The following TENM4 variants were observed in gnomAD, a reference collection of about 807,000 sequenced individuals.
The protein encoded by TENM4 is teneurin transmembrane protein 4.
In TENM4, 82 loss-of-function variants were observed where a neutral mutation model predicts 243.3. That is an observed-to-expected ratio of 0.34 (90% CI 0.28 to 0.40). TENM4 has a LOEUF of 0.40. Among genes scored for constraint, TENM4 ranks in the 10% least tolerant of loss-of-function variants. TENM4 has a pLI of 1.00. For missense variants in TENM4, 3,138 were observed against 3,673.3 expected (o/e 0.85, Z 3.77); for synonymous variants, 1,412 against 1,456.3 (o/e 0.97, Z 0.69).
chr11:78,871,534 C>A (rs924812864), intron 9 of TENM4, among the ~76,000 whole-genome samples: 1 of 152,224 alleles, frequency 6.6e-6, no homozygotes, highest in East Asian at 1.9e-4. Flanking sequence ...GCTTGATTAG[C>A]GCCTTTGTGT....
chr11:79,347,490 T>G (rs1857344088), intron 1 of TENM4, among the ~76,000 whole-genome samples: 1 of 152,212 alleles, frequency 6.6e-6, no homozygotes, highest in African/African-American at 2.4e-5. Context: ...CCAGGGTTCT[T>G]TCCCCACTGG....
intron 6 of TENM4, among the ~76,000 whole-genome samples, chr11:78,989,339 G>A (rs181437646): frequency 1.3e-5 from 2 of 152,314 alleles, no homozygotes; most frequent in East Asian, 3.9e-4. Flanking sequence ...TTCTGTCTGA[G>A]GCAGATGTTT....
chr11:79,148,786 C>T lies in TENM4; in HGVS notation c.-142G>A, dbSNP rs183062733. Reference sequence around the variant, plus strand: ...TTGAAGTATGCAATTTTAATTTGGACACATGGTAATTTCAGTCTACCTGTT... The same window carrying T: ...TTGAAGTATGCAATTTTAATTTGGATACATGGTAATTTCAGTCTACCTGTT... On this transcript the variant is annotated 5_prime_UTR_variant, in exon 4 of 34. Transcript: ENST00000278550. 1 of 981,808 alleles carries T rather than the reference C, an allele frequency of 1.0e-6. No homozygotes were observed. The highest frequency in any genetic ancestry group is 1.2e-6 in the Non-Finnish European group (1 of 826,498). The allele number at this position is 981,808 out of a possible 1,614,324, so 60.8% of individuals were successfully genotyped here. A position where few individuals can be genotyped will look rare whatever the true frequency, so the allele number is the denominator to read the frequency against.
At chr11:79,430,021 C>T (rs902280533) in intron 1 of TENM4, among the ~76,000 whole-genome samples, 4 of 151,936 alleles carry the variant, frequency 2.6e-5, no homozygotes, top group Admixed American at 6.6e-5. Flanking sequence ...TTTCAAGCCA[C>T]CAAGAGGTGA....
chr11:78,814,393 A>G lies in TENM4; in HGVS notation c.1684T>C (p.Ser562Pro), dbSNP rs1424089581. 10 of 1,548,104 alleles carry G rather than the reference A, an allele frequency of 6.5e-6. No homozygotes were observed. The highest frequency in any genetic ancestry group is 8.7e-6 in the Non-Finnish European group (10 of 1,145,572). ...VVSFLTTAIESVDNCPSNCYG... is the reference protein window; with the variant it reads ...VVSFLTTAIEPVDNCPSNCYG... ...CAGTTGCTGGGGCAGTTATCCACCGACTCTGGGGAGAGAAAGGAGAAGGAG... is the reference window on the plus strand; with the variant it reads ...CAGTTGCTGGGGCAGTTATCCACCGGCTCTGGGGAGAGAAAGGAGAAGGAG... The change falls in exon 13 of 34, where the codon TCG (serine) becomes CCG (proline). Residue 562 changes from serine to proline, a missense_variant and splice_region_variant. Coordinates refer to ENST00000278550, the MANE Select transcript of TENM4 (RefSeq NM_001098816.3).
chr11:78,969,494 A>G (rs1005747601), intron 6 of TENM4, among the ~76,000 whole-genome samples: 6 of 152,248 alleles, frequency 3.9e-5, no homozygotes, highest in Non-Finnish European at 7.3e-5. Context: ...CCACGAGACT[A>G]AAATTATGAG....
intron 3 of TENM4, among the ~76,000 whole-genome samples, chr11:79,205,507 T>A (rs183008894): frequency 9.2e-5 from 14 of 152,318 alleles, no homozygotes; most frequent in Admixed American, 7.8e-4. Context: ...CTCAACTCCA[T>A]CAGCCACTCA....
At chr11:78,878,746 A>G (rs1307674619) in intron 9 of TENM4, among the ~76,000 whole-genome samples, 1 of 152,178 alleles carries the variant, frequency 6.6e-6, no homozygotes, top group East Asian at 1.9e-4. Flanking sequence ...GCAGTGAGTA[A>G]CAGAGCTGTT....
chr11:79,153,380 G>A (rs1246556887), intron 3 of TENM4, among the ~76,000 whole-genome samples: 1 of 152,174 alleles, frequency 6.6e-6, no homozygotes, highest in East Asian at 1.9e-4. Context: ...GAACATTGCA[G>A]CAAGGGCCAG....
chr11:79,150,134 G>A (rs61882101), intron 3 of TENM4, among the ~76,000 whole-genome samples: 19,526 of 152,052 alleles, frequency 0.13, 1,648 homozygotes, highest in Non-Finnish European at 0.2. Flanking sequence ...ACTCCTGCTC[G>A]GTTCAGCCTT....
At chr11:79,054,693 G>C (rs555428973) in intron 6 of TENM4, among the ~76,000 whole-genome samples, 2 of 152,006 alleles carry the variant, frequency 1.3e-5, no homozygotes, top group African/African-American at 2.4e-5. Flanking sequence ...CGATCCTCCC[G>C]CCTTGGCCTC....
rs35375685 is a variant in TENM4 at position 78,942,813 on chromosome 11, C to CAA, written c.494-39292_494-39291dup. 4.9e-3 allele frequency among the ~76,000 whole-genome samples: 550 copies of CAA among 111,782 alleles called. 5 individuals carry two copies. The highest frequency in any genetic ancestry group is 0.017 in the African/African-American group (528 of 30,286). The allele number at this position is 111,782 out of a possible 152,430, so 73.3% of individuals were successfully genotyped here. ...TTTATTATCCTTATTTCATGACAGA[C>CAA]AAAAAAAAAAAAAAAAAGGCTCAGT... On this transcript the variant is annotated intron_variant, in intron 6 of 33. Coordinates refer to ENST00000278550, the MANE Select transcript of TENM4 (RefSeq NM_001098816.3).
At chr11:79,383,221 T>C (rs1858043374) in intron 1 of TENM4, among the ~76,000 whole-genome samples, 1 of 152,194 alleles carries the variant, frequency 6.6e-6, no homozygotes, top group African/African-American at 2.4e-5. Flanking sequence ...TCCGCCTTGC[T>C]TCAGTGCTGC....
intron 16 of TENM4, among the ~76,000 whole-genome samples, chr11:78,786,466 T>C (rs1490772829): frequency 6.6e-6 from 1 of 152,254 alleles, no homozygotes. Context: ...CTCCACTGTA[T>C]GCCAGCCTTT....
chr11:79,001,160 T>C (rs72947321), intron 6 of TENM4, among the ~76,000 whole-genome samples: 12,257 of 152,310 alleles, frequency 0.08, 560 homozygotes, highest in Admixed American at 0.14. Context: ...ATATATTGTC[T>C]ATAGGAAACA....
At chr11:79,196,331 C>T (rs1475255657) in intron 3 of TENM4, among the ~76,000 whole-genome samples, 1 of 151,688 alleles carries the variant, frequency 6.6e-6, no homozygotes, top group African/African-American at 2.4e-5. Context: ...GGAGAAGTCA[C>T]CGTGTGTCTC....
intron 6 of TENM4, among the ~76,000 whole-genome samples, chr11:79,015,476 T>TTGTGTG (rs1565168039): frequency 3.1e-5 from 3 of 95,450 alleles, no homozygotes; most frequent in African/African-American, 1.1e-4. Flanking sequence ...AAAAGTCATT[T>TTGTGTG]AGTGTGTGTG....
chr11:78,809,010 C>T (rs1292643277), intron 14 of TENM4, among the ~76,000 whole-genome samples: 2 of 152,120 alleles, frequency 1.3e-5, no homozygotes, highest in African/African-American at 4.8e-5. Context: ...TCTGTAAGTG[C>T]CTGAACCTCA....
At chr11:78,766,655 A>G (rs999009803) in intron 18 of TENM4, among the ~76,000 whole-genome samples, 3 of 151,892 alleles carry the variant, frequency 2.0e-5, no homozygotes, top group African/African-American at 7.3e-5. Context: ...GAAAATAAAA[A>G]CAAACTAATA....
Sources: gnomAD v4.1 joint callset for allele counts (sites outside exome capture counted in the v4.1 genomes callset) on GRCh38, gnomAD v4.1.1 for gene constraint, MANE v1.5 for transcripts, NCBI Gene and HGNC (gene_info 2026-07-23, HGNC 2026-07-21) for gene names.